The following RASSF6 variants were observed in gnomAD, a reference collection of about 807,000 sequenced individuals.
RASSF6 encodes the protein ras association domain-containing protein 6.
In RASSF6, 52 loss-of-function variants were observed where a neutral mutation model predicts 44.0. That is an observed-to-expected ratio of 1.18 (90% CI 0.95 to 1.49). The LOEUF (loss-of-function observed/expected upper bound fraction) is 1.49. Ranked by LOEUF, RASSF6 falls within the 40% of genes most tolerant of loss-of-function variation. The pLI is 0.00. For synonymous variants in RASSF6, 162 were observed against 124.6 expected (o/e 1.30, Z -2.00); for missense variants, 464 against 393.3 (o/e 1.18, Z -1.52).
Position 73,585,355 on chromosome 4 carries a change from G to A in RASSF6, c.392C>T (p.Ser131Phe). ...EKRNSQEDYL[S>F]YHSNTLKPHA... ...TGGCTTCAGGGTGTTGCTGTGATAAGATAAATAGTCTGGGAAGAATAGATT... is the reference window on the plus strand; with the variant it reads ...TGGCTTCAGGGTGTTGCTGTGATAAAATAAATAGTCTGGGAAGAATAGATT... The change falls in exon 6 of 11, where the codon TCT (serine) becomes TTT (phenylalanine). Residue 131 changes from serine to phenylalanine, a missense_variant. Ser to Phe is a radical substitution (Grantham distance 155). Coordinates refer to ENST00000307439, the MANE Select transcript of RASSF6 (RefSeq NM_177532.5). The A allele has an allele frequency of 3.8e-6, 6 of 1,586,294 alleles. No homozygotes were observed. Among genetic ancestry groups the A allele is most frequent in the Non-Finnish European group, 5.1e-6 (6 of 1,168,698 alleles).
Position 73,576,485 on chromosome 4 carries a change from T to G in RASSF6, c.863A>C (p.His288Pro), listed in dbSNP as rs1408960531. The part of the protein sequence containing the change: ...SSDVAQYINF[H>P]FSLLESILQR... ...AAGAATGGATTCCAAGAGAGAAAAGTGAAAGTTAATGTACTGAGCCACCTA... is the reference window on the plus strand; with the variant it reads ...AAGAATGGATTCCAAGAGAGAAAAGGGAAAGTTAATGTACTGAGCCACCTA... Residue 288 changes from histidine (H) to proline (P), a missense_variant, in exon 10 of 11, where the codon CAC becomes CCC. His to Pro is a moderately conservative substitution (Grantham distance 77, BLOSUM62 -2). Coordinates refer to ENST00000307439, the MANE Select transcript of RASSF6 (RefSeq NM_177532.5). 6.3e-7 allele frequency: 1 copy of G among 1,579,352 alleles called. No individual in the cohort carries two copies. Among genetic ancestry groups the G allele is most frequent in the Non-Finnish European group, 8.6e-7 (1 of 1,161,804 alleles).
chr4:73,604,726 A>G (rs1725509355), intron 2 of RASSF6: 1 of 152,194 alleles, frequency 6.6e-6, no homozygotes, highest in South Asian at 2.1e-4. Flanking sequence ...CTGAATTTAG[A>G]ACTTTATAGT....
In RASSF6 at chr4:73,572,339, A is replaced by T. The variant is rs1722964387; in HGVS notation, c.*3896T>A. ...CTTTTATGACCTACTTCAAAGTCTC[A>T]CAGTCTCTTCCATTTTCCTGTATTA... On this transcript the variant is annotated 3_prime_UTR_variant, in exon 11 of 11. Coordinates refer to ENST00000307439, the MANE Select transcript of RASSF6 (RefSeq NM_177532.5). 1 of 152,192 alleles carries T rather than the reference A, an allele frequency of 6.6e-6. No homozygotes were observed. The allele number at this position is 152,192 out of a possible 1,614,324, so 9.4% of individuals were successfully genotyped here. A position where few individuals can be genotyped will look rare whatever the true frequency, so the allele number is the denominator to read the frequency against.
At chr4:73,619,831 G>A (rs1271628588) in intron 1 of RASSF6, among the ~76,000 whole-genome samples, 5 of 151,888 alleles carry the variant, frequency 3.3e-5, no homozygotes, top group Non-Finnish European at 7.4e-5. Flanking sequence ...TCACTTTGCA[G>A]AAACAAATAA....
chr4:73,601,107 T>C (rs1045700950), intron 2 of RASSF6, among the ~76,000 whole-genome samples: 2 of 152,218 alleles, frequency 1.3e-5, no homozygotes, highest in African/African-American at 4.8e-5. Flanking sequence ...GTACATTACA[T>C]AGTAGAGTAT....
chr4:73,582,003 T>A (rs904638726), intron 7 of RASSF6, 135 bp from the exon 8 acceptor site: 2 of 709,334 alleles, frequency 2.8e-6, no homozygotes, highest in African/African-American at 1.8e-5. Flanking sequence ...TCTGCTCTTA[T>A]GGGAATTATA....
chr4:73,582,619 A>G (rs1723753711), intron 6 of RASSF6, among the ~76,000 whole-genome samples: 1 of 152,148 alleles, frequency 6.6e-6, no homozygotes. Flanking sequence ...AAAAACGGAT[A>G]GAGATATTAA....
At chr4:73,597,353 G>A (rs2149384244) in intron 3 of RASSF6, among the ~76,000 whole-genome samples, 1 of 152,194 alleles carries the variant, frequency 6.6e-6, no homozygotes, top group African/African-American at 2.4e-5. Flanking sequence ...ACATACATGT[G>A]GCCAGCAATC....
intron 3 of RASSF6, among the ~76,000 whole-genome samples, chr4:73,596,051 G>A (rs1487807521): frequency 2.0e-5 from 3 of 152,144 alleles, no homozygotes; most frequent in African/African-American, 7.2e-5. Flanking sequence ...TGAGTGAAGA[G>A]ACGTGTGGAG....
intron 6 of RASSF6, 125 bp downstream of exon 6, chr4:73,585,055 C>T (rs1723967715): frequency 3.3e-6 from 2 of 603,912 alleles, no homozygotes; most frequent in African/African-American, 1.9e-5. Context: ...AGAGAGTGCC[C>T]CCAAGATGTT....
chr4:73,575,419 G>C lies in RASSF6; in HGVS notation c.*816C>G, dbSNP rs930408703. On this transcript the variant is annotated 3_prime_UTR_variant, in exon 11 of 11. Transcript: ENST00000307439. ...ATGTAACTTCAGCTACAACAGCCTT[G>C]CTTTATCCATTGTATTCATTCAGCA... The C allele has an allele frequency of 6.6e-6, 1 of 151,962 alleles. No homozygotes were observed. Among genetic ancestry groups the C allele is most frequent in the African/African-American group, 2.4e-5 (1 of 41,364 alleles). 9.4% of individuals were successfully genotyped at this position (151,962 alleles called of 1,614,324 possible).
chr4:73,585,134 G>A, intron 6 of RASSF6, 46 bp downstream of exon 6: 2 of 1,364,394 alleles, frequency 1.5e-6, no homozygotes, highest in Non-Finnish European at 2.0e-6. Flanking sequence ...TAGTGAAACA[G>A]GGAACCTTAT....
At chr4:73,604,981 C>T (rs1485463024) in intron 2 of RASSF6, among the ~76,000 whole-genome samples, 1 of 151,516 alleles carries the variant, frequency 6.6e-6, no homozygotes, top group African/African-American at 2.4e-5. Context: ...CCTCCACCTC[C>T]TGGGTTCAAG....
chr4:73,588,655 A>G (rs1280140416), intron 4 of RASSF6, among the ~76,000 whole-genome samples: 1 of 152,022 alleles, frequency 6.6e-6, no homozygotes, highest in Non-Finnish European at 1.5e-5. Flanking sequence ...TGATAATAGC[A>G]TGAGGTAGGA....
At chr4:73,588,009 T>C in intron 4 of RASSF6, 75 bp from the exon 5 acceptor site, 2 of 953,660 alleles carry the variant, frequency 2.1e-6, no homozygotes, top group South Asian at 2.8e-5. Context: ...AGATTTACAA[T>C]ATTAATATAG....
At chr4:73,611,032 C>T (rs1725971625) in intron 2 of RASSF6, among the ~76,000 whole-genome samples, 1 of 152,098 alleles carries the variant, frequency 6.6e-6, no homozygotes, top group Non-Finnish European at 1.5e-5. Flanking sequence ...CCTTCACTTT[C>T]CTACTGCCCA....
intron 1 of RASSF6, among the ~76,000 whole-genome samples, chr4:73,617,510 GA>G (rs1190406406): frequency 6.6e-6 from 1 of 152,196 alleles, no homozygotes; most frequent in East Asian, 1.9e-4. Context: ...CTTCCCAGTA[GA>G]AATTCTTAGG....
intron 8 of RASSF6, among the ~76,000 whole-genome samples, chr4:73,579,075 A>G (rs1723440482): frequency 1.3e-5 from 2 of 152,164 alleles, no homozygotes. Context: ...GGGATCTTTT[A>G]TATATACCTT....
chr4:73,585,468 TCTGGC>T, intron 5 of RASSF6, 104 bp from the exon 6 acceptor site: 1 of 739,828 alleles, frequency 1.4e-6, no homozygotes, highest in South Asian at 3.6e-5. Flanking sequence ...ATTGCTATTT[TCTGGC>T]TGTGTAAAAG....
Sources: gnomAD v4.1 joint callset for allele counts (sites outside exome capture counted in the v4.1 genomes callset) on GRCh38, gnomAD v4.1.1 for gene constraint, MANE v1.5 for transcripts, NCBI Gene and HGNC (gene_info 2026-07-23, HGNC 2026-07-21) for gene names.